Variants in TRPC1 observed in about 807,000 individuals in gnomAD.
TRPC1 encodes the protein transient receptor potential cation channel subfamily C member 1.
TRPC1 carries 42 observed loss-of-function variants against 88.2 expected under a neutral mutation model. That is an observed-to-expected ratio of 0.48 (90% CI 0.37 to 0.62). The LOEUF is 0.62. TRPC1 is among the 20% of genes least tolerant of loss of function. The pLI, the probability that TRPC1 is intolerant of heterozygous loss-of-function variation, is 0.00. For missense variants in TRPC1, 699 were observed against 957.3 expected (o/e 0.73, Z 3.56); for synonymous variants, 288 against 331.8 (o/e 0.87, Z 1.43).
In TRPC1 at chr3:142,802,272, G is replaced by A; in HGVS notation, c.1685G>A (p.Gly562Glu). Reference protein sequence around the residue: ...TIGLTQLYDKGYTSKEQKDCV... With the variant: ...TIGLTQLYDKEYTSKEQKDCV... ...GGACTGACACAACTGTATGATAAAG[G>A]ATATACTTCAAAGGAGCAGAAGGAC... The change falls in exon 10 of 13, where the codon GGA becomes GAA. Residue 562 changes from glycine to glutamate, a missense_variant. Transcript: ENST00000476941. The A allele has an allele frequency of 6.3e-7, 1 of 1,599,342 alleles. No individual in the cohort carries two copies. The highest frequency in any genetic ancestry group is 8.5e-7 in the Non-Finnish European group (1 of 1,173,958).
rs749370856 is a variant in TRPC1, at chr3:142,724,619, T to G, written c.60T>G (p.Pro20=). Residue 20 remains proline (P), a synonymous_variant, in exon 1 of 13, where the codon CCT becomes CCG. Transcript: ENST00000476941. The surrounding 1 kb of genome is among the most constrained non-coding windows in gnomAD (Gnocchi z 5.6). The part of the protein sequence containing the change: ...DLSGASSSSL[P]SSPSSSSPNE... ...CGGGCGCCTCCTCCTCCTCCCTGCC[T>G]TCCTCTCCATCCTCTTCCTCGCCGA... 5.0e-6 allele frequency: 8 copies of G among 1,611,478 alleles called. No individual in the cohort carries two copies. In the South Asian group the frequency reaches 7.7e-5, roughly 16 times the overall value.
rs57131574 is a variant in TRPC1 at position 142,764,015 on chromosome 3, TAA to T, written c.633-13616_633-13615del. On this transcript the variant is annotated intron_variant, in intron 4 of 12. Transcript: ENST00000476941. ...ACATACATACATATATATATATATA[TAA>T]CAAATTATTTTAAAGAGATGACACT... 4.8e-4 allele frequency among the ~76,000 whole-genome samples: 56 copies of T among 117,236 alleles called. 2 individuals carry two copies. Among genetic ancestry groups the T allele is most frequent in the African/African-American group, 1.8e-3 (49 of 27,244 alleles). The allele number at this position is 117,236 out of a possible 152,430, so 76.9% of individuals were successfully genotyped here.
chr3:142,752,667 C>T (rs199842994), intron 4 of TRPC1, among the ~76,000 whole-genome samples: 1 of 143,904 alleles, frequency 6.9e-6, no homozygotes, highest in Admixed American at 6.9e-5. Flanking sequence ...TCTCATCCCA[C>T]GAGGCCATAT....
rs778543644 is a variant in TRPC1, at chr3:142,724,736, GAGTT to G, written c.172+8_172+11del. ...TCTTGCTGGCGTGCGACAAGGGTGA[GAGTT>G]AGGCCCCTTTCTCCTCTGGACGCCC... On this transcript the variant is annotated splice_donor_region_variant and intron_variant, in intron 1 of 12. Transcript: ENST00000476941. This position sits in a 1 kb window ranked among gnomAD's most constrained non-coding sequence, Gnocchi z 5.6. The G allele has an allele frequency of 8.6e-5, 134 of 1,566,536 alleles. No homozygotes were observed. The highest frequency in any genetic ancestry group is 6.4e-4 in the East Asian group (27 of 42,224).
chr3:142,751,334 T>C (rs1934755782), intron 4 of TRPC1, among the ~76,000 whole-genome samples: 1 of 152,200 alleles, frequency 6.6e-6, no homozygotes, highest in South Asian at 2.1e-4. Context: ...TACTGTACCT[T>C]TTCTATGTTT....
intron 4 of TRPC1, 92 bp from the exon 5 acceptor site, chr3:142,777,537 ATAT>A (rs1373460868): frequency 2.7e-6 from 2 of 731,796 alleles, no homozygotes; most frequent in African/African-American, 1.8e-5. Flanking sequence ...TAATTTTATA[ATAT>A]TTTAAGTATA....
intron 6 of TRPC1, 43 bp downstream of exon 6, chr3:142,781,072 G>T (rs1560111976): frequency 6.6e-7 from 1 of 1,505,124 alleles, no homozygotes; most frequent in Non-Finnish European, 8.9e-7. Context: ...TTTCTCTACA[G>T]TAGTCTAGTG....
In TRPC1 at chr3:142,726,262, T is replaced by G. The variant is rs150802887; in HGVS notation, c.172+1531T>G. On this transcript the variant is annotated intron_variant, in intron 1 of 12. Transcript: ENST00000476941. The stretch of plus-strand genomic sequence containing the variant: ...GTATGTCAAGAAAGGAAATTTGATA[T>G]TCCTGTCAAACTGAGGACAGAAAAA... 5.4e-3 allele frequency among the ~76,000 whole-genome samples: 826 copies of G among 152,274 alleles called. 7 individuals carry two copies. Among genetic ancestry groups the G allele is most frequent in the South Asian group, 8.7e-3 (42 of 4,828 alleles).
intron 4 of TRPC1, among the ~76,000 whole-genome samples, chr3:142,751,779 T>G (rs954868373): frequency 6.6e-6 from 1 of 152,158 alleles, no homozygotes; most frequent in Non-Finnish European, 1.5e-5. Context: ...AAACCTTTGA[T>G]GGATTTGAGA....
chr3:142,772,956 C>T (rs924151122), intron 4 of TRPC1, among the ~76,000 whole-genome samples: 1 of 152,158 alleles, frequency 6.6e-6, no homozygotes, highest in Admixed American at 6.5e-5. Context: ...ATGACATTCT[C>T]CCTGTTTGCG....
At chr3:142,785,588 G>A (rs755831941) in intron 7 of TRPC1, among the ~76,000 whole-genome samples, 24 of 152,126 alleles carry the variant, frequency 1.6e-4, no homozygotes, top group Non-Finnish European at 5.9e-5. Flanking sequence ...TGCAACCTCC[G>A]CCTCCCGGGT....
At chr3:142,769,852 C>T (rs1384873662) in intron 4 of TRPC1, among the ~76,000 whole-genome samples, 1 of 151,942 alleles carries the variant, frequency 6.6e-6, no homozygotes, top group Admixed American at 6.6e-5. Flanking sequence ...TATAATCTGC[C>T]TTTGTTTGAT....
chr3:142,784,907 C>A lies in TRPC1; in HGVS notation c.1164C>A (p.Ile388=). The A allele has an allele frequency of 6.2e-7, 1 of 1,614,088 alleles. No homozygotes were observed. Among genetic ancestry groups the A allele is most frequent in the South Asian group, 1.1e-5 (1 of 91,076 alleles). Residue 388 remains isoleucine, a synonymous_variant, in exon 7 of 13, where the codon ATC becomes ATA. Coordinates refer to ENST00000476941, the MANE Select transcript of TRPC1 (RefSeq NM_001251845.2). The part of the protein sequence containing the change: ...RIIHTPFMKF[I]IHGASYFTFL... ...TTCACACACCTTTTATGAAATTTAT[C>A]ATTCATGGAGCATCATATTTCACAT...
At position 142,767,235 on chromosome 3, in the gene TRPC1, A is replaced by C. The variant is rs137870487; in HGVS notation, c.633-10397A>C. ...CTATTGTACATGAATTATTTTCTTA[A>C]ATTTTATTTTCACTGTTCATAGCTA... On this transcript the variant is annotated intron_variant, in intron 4 of 12. Coordinates refer to ENST00000476941, the MANE Select transcript of TRPC1 (RefSeq NM_001251845.2). The surrounding 1 kb of genome is among the most constrained non-coding windows in gnomAD (Gnocchi z 5.1). 9.2e-5 allele frequency among the ~76,000 whole-genome samples: 14 copies of C among 152,102 alleles called. No homozygotes were observed. Among genetic ancestry groups the C allele is most frequent in the African/African-American group, 3.4e-4 (14 of 41,504 alleles).
At chr3:142,805,129 T>TAC (rs71153991) in intron 12 of TRPC1, among the ~76,000 whole-genome samples, 5,917 of 95,148 alleles carry the variant, frequency 0.062, 186 homozygotes, top group Admixed American at 0.14. Context: ...AATATATATA[T>TAC]ACACACACAC....
intron 1 of TRPC1, among the ~76,000 whole-genome samples, chr3:142,730,142 A>T (rs78070603): frequency 0.11 from 16,015 of 152,154 alleles, 1,207 homozygotes; most frequent in East Asian, 0.21. Flanking sequence ...AGTTTTAAAC[A>T]ACTTACAGCA....
At chr3:142,755,158 C>T (rs192566806) in intron 4 of TRPC1, among the ~76,000 whole-genome samples, 1 of 152,284 alleles carries the variant, frequency 6.6e-6, no homozygotes, top group East Asian at 1.9e-4. Context: ...CGCAGTGGCT[C>T]ATGCCTGTAA....
At chr3:142,782,341 A>G (rs1000822080) in intron 6 of TRPC1, among the ~76,000 whole-genome samples, 1 of 152,232 alleles carries the variant, frequency 6.6e-6, no homozygotes, top group Non-Finnish European at 1.5e-5. Context: ...GATTTTAAAG[A>G]TGAATGAAAA....
intron 6 of TRPC1, among the ~76,000 whole-genome samples, chr3:142,781,825 T>C (rs1253550298): frequency 3.3e-5 from 5 of 152,146 alleles, no homozygotes; most frequent in East Asian, 1.9e-4. Flanking sequence ...ATTGTTAACA[T>C]AGATGTTTAA....
Sources: allele counts gnomAD v4.1 joint callset (sites outside exome capture counted in the v4.1 genomes callset), GRCh38; gene constraint gnomAD v4.1.1; non-coding constraint Gnocchi (gnomAD v3.1); transcripts MANE v1.5; gene names NCBI Gene and HGNC (gene_info 2026-07-23, HGNC 2026-07-21).